Variants in GARNL3 observed in about 807,000 individuals in gnomAD.
GARNL3 encodes the protein GTPase-activating Rap/Ran-GAP domain-like protein 3.
GARNL3 carries 63 observed loss-of-function variants against 125.0 expected under a neutral mutation model. The observed-to-expected ratio is 0.50, with a 90% confidence interval of 0.41 to 0.62. The LOEUF (loss-of-function observed/expected upper bound fraction) is 0.62, where lower values mean the gene tolerates loss of function less well. Ranked by LOEUF, GARNL3 falls within the 20% of genes least tolerant of loss-of-function variation. The pLI, the probability that GARNL3 is intolerant of heterozygous loss-of-function variation, is 0.00. For missense variants in GARNL3, 994 were observed against 1,244.0 expected (o/e 0.80, Z 3.02); for synonymous variants, 439 against 457.5 (o/e 0.96, Z 0.52).
chr9:127,225,382 G>C, intron 1 of GARNL3: 1 of 984,898 alleles, frequency 1.0e-6, no homozygotes, highest in Non-Finnish European at 1.2e-6. Context: ...CGGCGCAGGG[G>C]GTGCAGCTTC....
At chr9:127,361,397 A>G (rs752931136) in intron 21 of GARNL3, among the ~76,000 whole-genome samples, 13 of 152,088 alleles carry the variant, frequency 8.5e-5, no homozygotes, top group Non-Finnish European at 1.6e-4. Context: ...GTGAGCCACC[A>G]TGCCCAGCCA....
chr9:127,314,852 T>C (rs1007711222), intron 4 of GARNL3, among the ~76,000 whole-genome samples: 2 of 152,212 alleles, frequency 1.3e-5, no homozygotes, highest in African/African-American at 4.8e-5. Flanking sequence ...TGAGACAGTT[T>C]AGGGAAAGCC....
rs1328677895 is a variant in GARNL3, at chr9:127,355,318, A to G, written c.1781A>G (p.Asn594Ser). 10 of 1,614,026 alleles carry G rather than the reference A, an allele frequency of 6.2e-6. No individual in the cohort carries two copies. Among genetic ancestry groups the G allele is most frequent in the Non-Finnish European group, 8.5e-6 (10 of 1,180,024 alleles). ...KTKGCHLYAI[N>S]THHSRELRIV... ...CCAGGCTGCCACCTGTATGCTATTA[A>G]CACTCACCACAGCAGAGAGCTGAGG... is the stretch of plus-strand genomic sequence containing the variant. Residue 594 changes from asparagine to serine, a missense_variant, in exon 20 of 28, where the codon AAC becomes AGC. Asn to Ser is a conservative substitution (Grantham distance 46). Transcript: ENST00000373387.
chr9:127,264,572 C>T, upstream of GARNL3: 6 of 1,051,682 alleles, frequency 5.7e-6, no homozygotes, highest in Non-Finnish European at 6.9e-6. Flanking sequence ...ATTGCAAGAT[C>T]CGGTTCAGCA....
At chr9:127,355,240 C>T (rs1281122173) in intron 19 of GARNL3, 57 bp from the exon 20 acceptor site, 7 of 1,486,072 alleles carry the variant, frequency 4.7e-6, no homozygotes, top group Non-Finnish European at 6.5e-6. Context: ...TTGTCAAGGT[C>T]TGGGGGCTTC....
At chr9:127,283,636 C>T (rs976270208) in intron 1 of GARNL3, among the ~76,000 whole-genome samples, 13 of 152,058 alleles carry the variant, frequency 8.5e-5, no homozygotes, top group Non-Finnish European at 1.3e-4. Context: ...TGCCACTACA[C>T]CCCAGCTTGG....
At chr9:127,244,251 C>T (rs1227616252) in intron 2 of GARNL3, among the ~76,000 whole-genome samples, 2 of 152,158 alleles carry the variant, frequency 1.3e-5, no homozygotes, top group Non-Finnish European at 2.9e-5. Context: ...GAATAACGTG[C>T]TAAAGGAAGC....
chr9:127,383,926 CTTTCAGGGCCATTGGTAT>C (rs1202825385), intron 23 of GARNL3, among the ~76,000 whole-genome samples: 1 of 152,184 alleles, frequency 6.6e-6, no homozygotes, highest in Non-Finnish European at 1.5e-5. Context: ...AAGCACAGTG[CTTTCAGGGCCATTGGTAT>C]ATGTTTCATA....
At position 127,387,290 on chromosome 9, in the gene GARNL3, C is replaced by G. The variant is rs373238122; in HGVS notation, c.2486C>G (p.Pro829Arg). ...ASARNSPQTP[P>R]GRDTPVFPSS... ...GCCCGAAATTCTCCTCAGACACCCC[C>G]GGGCCGAGATACTCCAGTATTTCCT... Residue 829 changes from proline to arginine, a missense_variant, in exon 25 of 28, where the codon CCG (proline) becomes CGG (arginine). Physicochemically the swap from Pro to Arg is moderately radical, Grantham distance 103. Coordinates refer to ENST00000373387, the MANE Select transcript of GARNL3 (RefSeq NM_032293.5). 6.2e-7 allele frequency: 1 copy of G among 1,614,134 alleles called. No homozygotes were observed. The highest frequency in any genetic ancestry group is 2.2e-5 in the East Asian group (1 of 44,880).
chr9:127,281,689 C>T (rs191004420), intron 1 of GARNL3, among the ~76,000 whole-genome samples: 19 of 152,342 alleles, frequency 1.2e-4, no homozygotes, highest in South Asian at 6.2e-4. Flanking sequence ...CTAAAAGAGA[C>T]CAGGAGACAG....
At chr9:127,304,998 G>C (rs540889853) in intron 2 of GARNL3, among the ~76,000 whole-genome samples, 1 of 152,176 alleles carries the variant, frequency 6.6e-6, no homozygotes, top group Non-Finnish European at 1.5e-5. Flanking sequence ...GTTGCAGACC[G>C]AATGACAAAG....
intron 1 of GARNL3, among the ~76,000 whole-genome samples, chr9:127,272,457 C>T (rs2063844817): frequency 6.7e-6 from 1 of 149,482 alleles, no homozygotes; most frequent in Non-Finnish European, 1.5e-5. Context: ...ATTTATCTGG[C>T]TTATATCTGT....
At position 127,266,855 on chromosome 9, in the gene GARNL3, G is replaced by A. The variant is rs1409943388; in HGVS notation, c.144+1834G>A. On this transcript the variant is annotated intron_variant, in intron 1 of 27. Coordinates refer to ENST00000373387, the MANE Select transcript of GARNL3 (RefSeq NM_032293.5). This position sits in a 1 kb window ranked among gnomAD's most constrained non-coding sequence, Gnocchi z 4.0. ...AACATTACTTGGGGGAGATAACATGGGTGTGAAAGATGGACTCTTTAAAGA... is the reference window on the plus strand; with the variant it reads ...AACATTACTTGGGGGAGATAACATGAGTGTGAAAGATGGACTCTTTAAAGA... 6.6e-6 allele frequency among the ~76,000 whole-genome samples: 1 copy of A among 152,156 alleles called. No homozygotes were observed. The highest frequency in any genetic ancestry group is 1.9e-4 in the East Asian group (1 of 5,204).
At chr9:127,295,872 A>G (rs976834685) in intron 2 of GARNL3, among the ~76,000 whole-genome samples, 3 of 152,136 alleles carry the variant, frequency 2.0e-5, no homozygotes, top group Non-Finnish European at 4.4e-5. Flanking sequence ...CATTACACTT[A>G]TTGTGCCCTT....
intron 4 of GARNL3, among the ~76,000 whole-genome samples, chr9:127,315,604 G>A (rs970088623): frequency 6.6e-6 from 1 of 151,648 alleles, no homozygotes; most frequent in African/African-American, 2.4e-5. Context: ...TTGTACCACT[G>A]CACTCCAGCC....
At chr9:127,365,951 A>G (rs1831265389) in intron 22 of GARNL3, among the ~76,000 whole-genome samples, 1 of 152,190 alleles carries the variant, frequency 6.6e-6, no homozygotes, top group Non-Finnish European at 1.5e-5. Flanking sequence ...ATTAGGTGGC[A>G]GGGTAGGTGT....
rs1295035823 is a variant in GARNL3, at chr9:127,385,587, G to T, written c.2388+442G>T. Among the ~76,000 whole-genome samples, 1 of 152,152 alleles carries T rather than the reference G, an allele frequency of 6.6e-6. No homozygotes were observed. Among genetic ancestry groups the T allele is most frequent in the Non-Finnish European group, 1.5e-5 (1 of 68,030 alleles). On this transcript the variant is annotated intron_variant, in intron 24 of 27. Coordinates refer to ENST00000373387, the MANE Select transcript of GARNL3 (RefSeq NM_032293.5). The surrounding 1 kb of genome is among the most constrained non-coding windows in gnomAD (Gnocchi z 4.1). ...ATTAATCCCTGCCTCATAACCCACA[G>T]CTAGGGCAAAACGGAGGGATGCAGG...
upstream of GARNL3, among the ~76,000 whole-genome samples, chr9:127,259,036 C>T (rs1329353346): frequency 6.6e-6 from 1 of 152,212 alleles, no homozygotes; most frequent in African/African-American, 2.4e-5. Context: ...CTGCTGAGTC[C>T]TGGCCTTGTG....
rs1283340831 is a variant in GARNL3, at chr9:127,385,277, T to A, written c.2388+132T>A. On this transcript the variant is annotated intron_variant, in intron 24 of 27. Coordinates refer to ENST00000373387, the MANE Select transcript of GARNL3 (RefSeq NM_032293.5). This position sits in a 1 kb window ranked among gnomAD's most constrained non-coding sequence, Gnocchi z 4.1. ...CCGGTGTCAGAATGCCAGCACGAGA[T>A]GGAAAGCCTGAAACCAGACTGATCT... is the stretch of plus-strand genomic sequence containing the variant. The A allele has an allele frequency of 7.3e-6, 4 of 549,916 alleles. No homozygotes were observed. The East Asian group carries it at 1.2e-4, about 17-fold the overall frequency. The allele number at this position is 549,916 out of a possible 1,614,324, so 34.1% of individuals were successfully genotyped here. A position where few individuals can be genotyped will look rare whatever the true frequency, so the allele number is the denominator to read the frequency against.
Sources: allele counts gnomAD v4.1 joint callset (sites outside exome capture counted in the v4.1 genomes callset), GRCh38; gene constraint gnomAD v4.1.1; non-coding constraint Gnocchi (gnomAD v3.1); transcripts MANE v1.5; gene names NCBI Gene and HGNC (gene_info 2026-07-23, HGNC 2026-07-21).